MDGA2: variants seen among roughly 807,000 people sequenced by gnomAD.
MDGA2 encodes the protein MAM domain containing glycosylphosphatidylinositol anchor 2.
MDGA2 carries 40 observed loss-of-function variants against 117.8 expected under a neutral mutation model. The observed-to-expected ratio is 0.34, with a 90% confidence interval of 0.26 to 0.44. The LOEUF is 0.44. Ranked by LOEUF, MDGA2 falls within the 20% of genes least tolerant of loss-of-function variation. MDGA2 has a pLI of 1.00. For missense variants in MDGA2, 1,123 were observed against 1,250.6 expected, an observed-to-expected ratio of 0.90 and a Z score of 1.54; for synonymous variants, 452 against 439.0, an observed-to-expected ratio of 1.03 and a Z score of -0.37.
At position 47,083,897 on chromosome 14, in the gene MDGA2, T is replaced by TC. The variant is rs201491286; in HGVS notation, c.1195+12956dup. 8.3e-3 allele frequency among the ~76,000 whole-genome samples: 1,249 copies of TC among 150,606 alleles called. 10 individuals carry two copies. Among genetic ancestry groups the TC allele is most frequent in the Non-Finnish European group, 0.011 (738 of 67,718 alleles). On this transcript the variant is annotated intron_variant, in intron 6 of 16. Coordinates refer to ENST00000399232, the MANE Select transcript of MDGA2 (RefSeq NM_001113498.3). ...GCAATTGTAAATCTGTATATACCCT[T>TC]CCCCCTCCAAAAAAAAGCAGAAAAT...
intron 1 of MDGA2, among the ~76,000 whole-genome samples, chr14:47,608,650 T>C (rs1896784493): frequency 6.6e-6 from 1 of 152,148 alleles, no homozygotes; most frequent in African/African-American, 2.4e-5. Flanking sequence ...TGTAAAGATC[T>C]TTGGCTTTTC....
intron 1 of MDGA2, among the ~76,000 whole-genome samples, chr14:47,650,118 GC>G (rs1344054727): frequency 6.6e-6 from 1 of 152,142 alleles, no homozygotes; most frequent in East Asian, 1.9e-4. Flanking sequence ...GCAGACCCTT[GC>G]CCAAATAAAG....
intron 10 of MDGA2, among the ~76,000 whole-genome samples, chr14:46,888,127 T>C (rs1157189369): frequency 6.6e-6 from 1 of 151,986 alleles, no homozygotes; most frequent in Non-Finnish European, 1.5e-5. Context: ...TTCCAAGTCT[T>C]TAATTTAAGC....
In MDGA2 at chr14:47,244,998, C is replaced by T. The variant is rs192778586; in HGVS notation, c.421-26803G>A. ...ATAAATAGTAAGGATATTTTCTCTTCCACATGACTCTCTTTTCATTTCTTT... is the reference window on the plus strand; with the variant it reads ...ATAAATAGTAAGGATATTTTCTCTTTCACATGACTCTCTTTTCATTTCTTT... On this transcript the variant is annotated intron_variant, in intron 2 of 16. Coordinates refer to ENST00000399232, the MANE Select transcript of MDGA2 (RefSeq NM_001113498.3). 1.2e-3 allele frequency among the ~76,000 whole-genome samples: 177 copies of T among 150,414 alleles called. 1 individual carries two copies. Among genetic ancestry groups the T allele is most frequent in the Admixed American group, 2.4e-3 (37 of 15,124 alleles).
intron 1 of MDGA2, among the ~76,000 whole-genome samples, chr14:47,366,901 G>GTTTTTTTTTTTTTTTTTTTTTTTTTT (rs748665154): frequency 5.5e-4 from 67 of 122,718 alleles, no homozygotes; most frequent in African/African-American, 1.0e-3. Context: ...ATTACTTTTA[G>GTTTTTTTTTTTTTTTTTTTTTTTTTT]TTTGACTTTG....
intron 1 of MDGA2, among the ~76,000 whole-genome samples, chr14:47,382,387 C>T (rs1359722393): frequency 9.9e-5 from 15 of 152,140 alleles, no homozygotes; most frequent in Non-Finnish European, 1.2e-4. Flanking sequence ...TTCAGAACAG[C>T]ACAAGGAACT....
rs182217714 is a variant in MDGA2 at position 47,286,287 on chromosome 14, T to C, written c.420+15124A>G. ...ATGTAGAAAAATTTATTGTGAACAA[T>C]AGTCACCCTATTGTGCTACCAAACA... is the stretch of plus-strand genomic sequence containing the variant. On this transcript the variant is annotated intron_variant, in intron 2 of 16. Coordinates refer to ENST00000399232, the MANE Select transcript of MDGA2 (RefSeq NM_001113498.3). Among the ~76,000 whole-genome samples, 94 of 152,168 alleles carry C rather than the reference T, an allele frequency of 6.2e-4. 1 individual carries two copies. The highest frequency in any genetic ancestry group is 5.8e-4 in the East Asian group (3 of 5,170).
chr14:47,320,244 T>C (rs1406397289), intron 1 of MDGA2, among the ~76,000 whole-genome samples: 1 of 152,112 alleles, frequency 6.6e-6, no homozygotes, highest in Non-Finnish European at 1.5e-5. Context: ...TGGCTGGGTG[T>C]GGTGACTTAT....
chr14:47,649,709 A>ACAAAT (rs1480205794), intron 1 of MDGA2, among the ~76,000 whole-genome samples: 1 of 151,656 alleles, frequency 6.6e-6, no homozygotes. Context: ...ACAAAACAAA[A>ACAAAT]CAAAAAAACC....
At chr14:46,899,232 C>T (rs751891269) in intron 10 of MDGA2, among the ~76,000 whole-genome samples, 1 of 151,996 alleles carries the variant, frequency 6.6e-6, no homozygotes, top group Non-Finnish European at 1.5e-5. Context: ...GGCAAACTGG[C>T]AACCTGAGTG....
At chr14:47,235,182 A>G (rs2139584863) in intron 2 of MDGA2, among the ~76,000 whole-genome samples, 1 of 152,332 alleles carries the variant, frequency 6.6e-6, no homozygotes, top group African/African-American at 2.4e-5. Context: ...GTCATAAAAC[A>G]ATTTTTGCAT....
chr14:47,668,616 T>C (rs1452069609), intron 1 of MDGA2, among the ~76,000 whole-genome samples: 1 of 152,222 alleles, frequency 6.6e-6, no homozygotes, highest in East Asian at 1.9e-4. Context: ...TAATATAGTG[T>C]TTACACTCAG....
intron 3 of MDGA2, chr14:47,201,019 A>T: frequency 9.7e-7 from 1 of 1,027,144 alleles, no homozygotes; most frequent in Non-Finnish European, 1.5e-6. Context: ...TTTCCTGCCC[A>T]GCAGTACCTG....
At chr14:47,134,584 A>C (rs144812063) in intron 4 of MDGA2, among the ~76,000 whole-genome samples, 49 of 152,138 alleles carry the variant, frequency 3.2e-4, no homozygotes, top group African/African-American at 1.1e-3. Context: ...AACTCAAGAC[A>C]AAACTTGAGC....
intron 3 of MDGA2, among the ~76,000 whole-genome samples, chr14:47,172,162 G>A (rs942986884): frequency 1.3e-5 from 2 of 152,162 alleles, no homozygotes; most frequent in African/African-American, 4.8e-5. Flanking sequence ...ACTGGGTGGA[G>A]CCCACCACAG....
intron 3 of MDGA2, among the ~76,000 whole-genome samples, chr14:47,175,937 G>A (rs1288682448): frequency 2.0e-5 from 3 of 152,078 alleles, no homozygotes; most frequent in Non-Finnish European, 4.4e-5. Flanking sequence ...AAGCTGATAA[G>A]CAACTTCAGC....
intron 1 of MDGA2, among the ~76,000 whole-genome samples, chr14:47,459,631 T>A (rs935021303): frequency 1.1e-4 from 16 of 152,002 alleles, no homozygotes; most frequent in African/African-American, 2.2e-4. Context: ...GGGTTTTTTT[T>A]ATTTTTATCA....
chr14:47,533,288 T>C (rs2138737134), intron 1 of MDGA2, among the ~76,000 whole-genome samples: 1 of 152,262 alleles, frequency 6.6e-6, no homozygotes, highest in East Asian at 1.9e-4. Flanking sequence ...CCAATTAGAT[T>C]ACAAACTCTG....
At chr14:47,282,972 A>C (rs561412947) in intron 2 of MDGA2, among the ~76,000 whole-genome samples, 148 of 152,188 alleles carry the variant, frequency 9.7e-4, no homozygotes, top group Non-Finnish European at 1.5e-3. Flanking sequence ...AATAACATAC[A>C]TTTTTTAAAT....
Sources: allele counts gnomAD v4.1 joint callset (sites outside exome capture counted in the v4.1 genomes callset), GRCh38; gene constraint gnomAD v4.1.1; transcripts MANE v1.5; gene names NCBI Gene and HGNC (gene_info 2026-07-23, HGNC 2026-07-21).